Variants in KCNG3 observed in about 807,000 individuals in gnomAD.
KCNG3 encodes potassium voltage-gated channel modifier subfamily G member 3, also known as voltage-gated potassium channel regulatory subunit KCNG3.
In KCNG3, 15 loss-of-function variants were observed where a neutral mutation model predicts 29.0. The observed-to-expected ratio is 0.52, with a 90% confidence interval of 0.35 to 0.80. The LOEUF (loss-of-function observed/expected upper bound fraction) is 0.80. Ranked by LOEUF, KCNG3 falls within the 30% of genes least tolerant of loss-of-function variation. The pLI is 0.01. For synonymous variants in KCNG3, 322 were observed against 248.9 expected (o/e 1.29, Z -2.76); for missense variants, 512 against 605.7 (o/e 0.85, Z 1.62).
chr2:42,456,841 C>A (rs1672887115), intron 1 of KCNG3, among the ~76,000 whole-genome samples: 1 of 152,128 alleles, frequency 6.6e-6, no homozygotes, highest in Non-Finnish European at 1.5e-5. Flanking sequence ...AAATTTCCAG[C>A]AAACTGCACA....
At chr2:42,407,320 C>A in the KCNG3 span, among the ~76,000 whole-genome samples, 1 of 151,970 alleles carries the variant, frequency 6.6e-6, no homozygotes, top group African/African-American at 2.4e-5. Flanking sequence ...GAACTACAGG[C>A]GTGCGCCACC....
intron 1 of KCNG3, among the ~76,000 whole-genome samples, chr2:42,447,944 T>G (rs201459314): frequency 1.3e-5 from 2 of 152,218 alleles, no homozygotes; most frequent in East Asian, 3.8e-4. Context: ...GTAATTTTGA[T>G]AGATCTTGCC....
At chr2:42,398,275 A>C in the KCNG3 span, among the ~76,000 whole-genome samples, 41 of 151,722 alleles carry the variant, frequency 2.7e-4, no homozygotes, top group African/African-American at 3.6e-4. Flanking sequence ...AAAATAAAAT[A>C]AAATCAAGAA....
At chr2:42,488,875 TA>T (rs1673800280) in intron 1 of KCNG3, among the ~76,000 whole-genome samples, 1 of 151,672 alleles carries the variant, frequency 6.6e-6, no homozygotes, top group Non-Finnish European at 1.5e-5. Context: ...AATTATACAA[TA>T]GAAGATATAG....
the KCNG3 span, among the ~76,000 whole-genome samples, chr2:42,404,638 G>C: frequency 6.6e-6 from 1 of 152,080 alleles, no homozygotes; most frequent in Non-Finnish European, 1.5e-5. Context: ...TGAAGTGGGA[G>C]GATTGCTTCA....
At chr2:42,419,585 G>C in the KCNG3 span, among the ~76,000 whole-genome samples, 1 of 152,012 alleles carries the variant, frequency 6.6e-6, no homozygotes, top group Non-Finnish European at 1.5e-5. Flanking sequence ...CCTTGCAAAA[G>C]GCTGGACTTA....
intron 1 of KCNG3, among the ~76,000 whole-genome samples, chr2:42,472,686 G>A (rs1673317882): frequency 1.3e-5 from 2 of 151,480 alleles, no homozygotes. Flanking sequence ...TTTTGGTAAA[G>A]ACAGGGTTTC....
At chr2:42,449,091 G>T (rs764198420) in intron 1 of KCNG3, among the ~76,000 whole-genome samples, 3 of 151,992 alleles carry the variant, frequency 2.0e-5, no homozygotes, top group Admixed American at 1.3e-4. Context: ...TGGTATATGT[G>T]GGGGGTCCTG....
At chr2:42,479,848 T>C (rs550631824) in intron 1 of KCNG3, among the ~76,000 whole-genome samples, 2 of 152,034 alleles carry the variant, frequency 1.3e-5, no homozygotes, top group South Asian at 4.2e-4. Context: ...CTGTCTCTAC[T>C]AAAAATAACA....
Position 42,464,604 on chromosome 2 carries a change from C to T in KCNG3, c.666-20025G>A, listed in dbSNP as rs531858871. ...CCAAAGCTTCAGATCTGCCACTCTC[C>T]GCCTTGTACCATCTGCTCCAACTAA... On this transcript the variant is annotated intron_variant, in intron 1 of 1. Transcript: ENST00000306078. Among the ~76,000 whole-genome samples, 15 of 152,302 alleles carry T rather than the reference C, an allele frequency of 9.8e-5. No individual in the cohort carries two copies. In the South Asian group the frequency reaches 1.2e-3, roughly 13 times the overall value.
chr2:42,470,603 G>A (rs926970674), intron 1 of KCNG3, among the ~76,000 whole-genome samples: 4 of 152,176 alleles, frequency 2.6e-5, no homozygotes, highest in East Asian at 1.9e-4. Flanking sequence ...GATCAAGCAC[G>A]GTGGCTCACA....
intron 1 of KCNG3, among the ~76,000 whole-genome samples, chr2:42,454,348 C>T (rs1029483573): frequency 6.6e-6 from 1 of 152,092 alleles, no homozygotes; most frequent in African/African-American, 2.4e-5. Context: ...GTTAAGATGT[C>T]GAAGCAACCT....
chr2:42,396,268 C>A, the KCNG3 span, among the ~76,000 whole-genome samples: 3 of 152,254 alleles, frequency 2.0e-5, no homozygotes, highest in South Asian at 4.1e-4. Context: ...TGTATTTATA[C>A]GTGAAGCATC....
chr2:42,428,458 GGAAAAAAA>G, the KCNG3 span, among the ~76,000 whole-genome samples: 3 of 104,530 alleles, frequency 2.9e-5, no homozygotes, highest in African/African-American at 1.2e-4. Context: ...CCCGGTCTCG[GGAAAAAAA>G]AAAAAAAAAA....
chr2:42,487,636 C>T (rs76298548), intron 1 of KCNG3, among the ~76,000 whole-genome samples: 1 of 152,106 alleles, frequency 6.6e-6, no homozygotes, highest in Non-Finnish European at 1.5e-5. Context: ...TGCAGAAACA[C>T]GCTCTCTCCT....
At chr2:42,390,943 C>T in the KCNG3 span, among the ~76,000 whole-genome samples, 1 of 152,116 alleles carries the variant, frequency 6.6e-6, no homozygotes, top group Non-Finnish European at 1.5e-5. Flanking sequence ...TCTGGGCAGT[C>T]CAGTTTTGCC....
intron 1 of KCNG3, among the ~76,000 whole-genome samples, chr2:42,470,745 A>C (rs886570082): frequency 6.6e-6 from 1 of 151,950 alleles, no homozygotes; most frequent in African/African-American, 2.4e-5. Flanking sequence ...ACGTGGTGGC[A>C]TATGTCTGTA....
intron 1 of KCNG3, among the ~76,000 whole-genome samples, chr2:42,483,371 T>G (rs1001214018): frequency 1.3e-5 from 2 of 152,240 alleles, no homozygotes; most frequent in Non-Finnish European, 2.9e-5. Context: ...CTTTGGAATT[T>G]AGCCTAAATA....
intron 1 of KCNG3, among the ~76,000 whole-genome samples, chr2:42,473,253 A>C (rs1413316252): frequency 6.6e-6 from 1 of 151,402 alleles, no homozygotes; most frequent in African/African-American, 2.4e-5. Flanking sequence ...AACAGGTATT[A>C]ATTGTGTTAT....
Sources: allele counts gnomAD v4.1 joint callset (sites outside exome capture counted in the v4.1 genomes callset), GRCh38; gene constraint gnomAD v4.1.1; transcripts MANE v1.5; gene names NCBI Gene and HGNC (gene_info 2026-07-23, HGNC 2026-07-21).